Variants in GPR158 observed in about 807,000 individuals in gnomAD.
The protein encoded by GPR158 is G protein-coupled receptor 158, also known as metabotropic glycine receptor.
GPR158 carries 30 observed loss-of-function variants against 78.2 expected under a neutral mutation model. That is an observed-to-expected ratio of 0.38 (90% CI 0.29 to 0.52). The LOEUF is 0.52. Among genes scored for constraint, GPR158 ranks in the 20% least tolerant of loss-of-function variants. GPR158 has a pLI of 0.83. For missense variants in GPR158, 1,463 were observed against 1,523.5 expected (o/e 0.96, Z 0.66); for synonymous variants, 581 against 591.1 (o/e 0.98, Z 0.25).
At chr10:25,314,091 T>A (rs146143585) in intron 2 of GPR158, among the ~76,000 whole-genome samples, 5 of 152,196 alleles carry the variant, frequency 3.3e-5, no homozygotes, top group African/African-American at 9.6e-5. Flanking sequence ...ATCTAGGTTT[T>A]TGAATTTATT....
chr10:25,231,378 C>T (rs1455004478), intron 2 of GPR158, among the ~76,000 whole-genome samples: 1 of 152,092 alleles, frequency 6.6e-6, no homozygotes, highest in Non-Finnish European at 1.5e-5. Flanking sequence ...TCTAATTTGC[C>T]TCTTCTGCTT....
intron 3 of GPR158, among the ~76,000 whole-genome samples, chr10:25,411,933 C>CAAA (rs1164005677): frequency 8.4e-5 from 4 of 47,470 alleles, no homozygotes; most frequent in East Asian, 9.2e-4. Flanking sequence ...GACTCTATCA[C>CAAA]AAAAAAAAAA....
chr10:25,316,893 GT>G (rs1564420159), intron 2 of GPR158, among the ~76,000 whole-genome samples: 31 of 106,894 alleles, frequency 2.9e-4, no homozygotes, highest in African/African-American at 1.8e-3. Flanking sequence ...GTATTTGTGT[GT>G]GTGTGTGTGT....
Position 25,289,457 on chromosome 10 carries a change from G to A in GPR158, c.1008+68300G>A, listed in dbSNP as rs141511969. ...TTTTTATTTTTATTTTTTTGAGGCG[G>A]AGTCTTGCTCTGTCACCCAGGCTGG... is the stretch of plus-strand genomic sequence containing the variant. On this transcript the variant is annotated intron_variant, in intron 2 of 10. Transcript: ENST00000376351. 2.5e-3 allele frequency among the ~76,000 whole-genome samples: 382 copies of A among 152,158 alleles called. 3 individuals are homozygous for A. The highest frequency in any genetic ancestry group is 0.024 in the East Asian group (126 of 5,174).
At chr10:25,439,578 G>C (rs779797512) in intron 4 of GPR158, among the ~76,000 whole-genome samples, 1 of 152,104 alleles carries the variant, frequency 6.6e-6, no homozygotes, top group Middle Eastern at 3.2e-3. Context: ...GTGTTATATA[G>C]TGTATGTCCT....
rs1457814754 is a variant in GPR158 at position 25,433,577 on chromosome 10, G to A, written c.1335+21104G>A. Among the ~76,000 whole-genome samples the A allele has an allele frequency of 6.2e-5, 9 of 146,110 alleles. No homozygotes were observed. In the East Asian group the frequency reaches 1.4e-3, roughly 23 times the overall value. On this transcript the variant is annotated intron_variant, in intron 4 of 10. Coordinates refer to ENST00000376351, the MANE Select transcript of GPR158 (RefSeq NM_020752.3). ...TGTGTGTGTGTGTGTGTGTGCGCGC[G>A]CGCGTGCGCGTGCGCATATATGAAT...
chr10:25,210,498 A>C (rs1020974166), intron 1 of GPR158, among the ~76,000 whole-genome samples: 14 of 152,198 alleles, frequency 9.2e-5, no homozygotes, highest in Admixed American at 4.6e-4. Context: ...GGGTTCCTAT[A>C]GCCTCACATT....
At chr10:25,401,684 C>A (rs1465266806) in intron 3 of GPR158, among the ~76,000 whole-genome samples, 1 of 152,002 alleles carries the variant, frequency 6.6e-6, no homozygotes, top group Non-Finnish European at 1.5e-5. Context: ...AATCATCTTT[C>A]CCCAAATATT....
intron 2 of GPR158, among the ~76,000 whole-genome samples, chr10:25,366,994 T>C (rs1215163993): frequency 6.6e-6 from 1 of 151,764 alleles, no homozygotes; most frequent in Admixed American, 6.6e-5. Flanking sequence ...TCCTGTTCTA[T>C]AGCTTGACAT....
At chr10:25,544,322 T>C (rs915213800) in intron 5 of GPR158, among the ~76,000 whole-genome samples, 2 of 152,198 alleles carry the variant, frequency 1.3e-5, no homozygotes, top group Admixed American at 1.3e-4. Flanking sequence ...TTTGGAATTA[T>C]GCCTTAGGCA....
intron 1 of GPR158, among the ~76,000 whole-genome samples, chr10:25,201,036 T>C (rs1322568511): frequency 6.6e-6 from 1 of 152,132 alleles, no homozygotes; most frequent in Non-Finnish European, 1.5e-5. Flanking sequence ...TCTAATTCTA[T>C]GAATAATGTC....
chr10:25,206,150 T>A (rs551153011), intron 1 of GPR158, among the ~76,000 whole-genome samples: 2 of 151,992 alleles, frequency 1.3e-5, no homozygotes, highest in Non-Finnish European at 2.9e-5. Context: ...CACACCTGGC[T>A]AATTTTTTGT....
intron 3 of GPR158, among the ~76,000 whole-genome samples, chr10:25,405,589 G>T (rs1294303446): frequency 8.3e-6 from 1 of 120,378 alleles, no homozygotes; most frequent in Non-Finnish European, 1.6e-5. Context: ...GCCTCCAGAT[G>T]TTAAAAGCCC....
At chr10:25,232,807 CTCT>C (rs914398785) in intron 2 of GPR158, among the ~76,000 whole-genome samples, 2 of 152,104 alleles carry the variant, frequency 1.3e-5, no homozygotes, top group African/African-American at 4.8e-5. Flanking sequence ...TTTTGCCCCC[CTCT>C]TCTTTTAGCT....
At chr10:25,516,106 TTC>T (rs1467117239) in intron 5 of GPR158, among the ~76,000 whole-genome samples, 3 of 152,004 alleles carry the variant, frequency 2.0e-5, no homozygotes, top group Non-Finnish European at 4.4e-5. Flanking sequence ...TGATTTGCAT[TTC>T]TCTGATGGCC....
intron 2 of GPR158, among the ~76,000 whole-genome samples, chr10:25,295,664 C>T (rs1467637075): frequency 2.0e-5 from 3 of 152,112 alleles, no homozygotes; most frequent in South Asian, 4.1e-4. Context: ...CCACCCGCCT[C>T]GGCCTCCCAA....
intron 1 of GPR158, among the ~76,000 whole-genome samples, chr10:25,210,611 T>C (rs746252556): frequency 8.6e-4 from 131 of 152,222 alleles, no homozygotes; most frequent in Non-Finnish European, 1.1e-3. Context: ...CATTCCTGAT[T>C]ACCAATGTGC....
At chr10:25,427,512 A>C (rs1247455131) in intron 4 of GPR158, among the ~76,000 whole-genome samples, 2 of 152,072 alleles carry the variant, frequency 1.3e-5, no homozygotes, top group East Asian at 3.9e-4. Context: ...CTACCTATAA[A>C]ATTTCCCATT....
chr10:25,289,355 C>A (rs1854400226), intron 2 of GPR158, among the ~76,000 whole-genome samples: 1 of 152,180 alleles, frequency 6.6e-6, no homozygotes, highest in African/African-American at 2.4e-5. Flanking sequence ...AGGATATTCA[C>A]AGAGGGCGTG....
Sources: allele counts gnomAD v4.1 joint callset (sites outside exome capture counted in the v4.1 genomes callset), GRCh38; gene constraint gnomAD v4.1.1; transcripts MANE v1.5; gene names NCBI Gene and HGNC (gene_info 2026-07-23, HGNC 2026-07-21).